The following LAMA2 variants were observed in gnomAD, a reference collection of about 807,000 sequenced individuals.
LAMA2 encodes laminin subunit alpha 2.
LAMA2 carries 269 observed loss-of-function variants against 364.8 expected under a neutral mutation model. The ratio of observed to expected loss-of-function variants is 0.74; its 90% CI spans 0.67 to 0.82. The LOEUF is 0.82. Ranked by LOEUF, LAMA2 falls within the 40% of genes least tolerant of loss-of-function variation. LAMA2 has a pLI of 0.00. For missense variants in LAMA2, 3,807 were observed against 3,873.2 expected (o/e 0.98, Z 0.45); for synonymous variants, 1,379 against 1,370.6 (o/e 1.01, Z -0.14).
intron 1 of LAMA2, among the ~76,000 whole-genome samples, chr6:128,907,949 G>A (rs199909576): frequency 7.2e-5 from 11 of 152,124 alleles, no homozygotes; most frequent in African/African-American, 1.2e-4. Context: ...ACTGATTTGC[G>A]TATATTGAAC....
rs1049341023 is a variant in LAMA2, at chr6:129,492,557, T to C, written c.8244+74T>C. 274 of 1,336,268 alleles carry C rather than the reference T, an allele frequency of 2.1e-4. 1 individual carries two copies. The highest frequency in any genetic ancestry group is 3.6e-5 in the Non-Finnish European group (33 of 927,736). The allele number at this position is 1,336,268 out of a possible 1,614,324, so 82.8% of individuals were successfully genotyped here. ...CTGAGTCATTTCAGAAGGAAGATTA[T>C]TCAGGATATCTAGTACACTCTGATA... On this transcript the variant is annotated intron_variant, in intron 58 of 64. Coordinates refer to ENST00000421865, the MANE Select transcript of LAMA2 (RefSeq NM_000426.4).
At chr6:129,350,808 G>A (rs1262096280) in intron 31 of LAMA2, among the ~76,000 whole-genome samples, 1 of 152,134 alleles carries the variant, frequency 6.6e-6, no homozygotes, top group Non-Finnish European at 1.5e-5. Context: ...TTAGGGTTAA[G>A]CTTTATAAAT....
At chr6:129,284,809 C>G (rs1460411473) in intron 18 of LAMA2, among the ~76,000 whole-genome samples, 1 of 152,022 alleles carries the variant, frequency 6.6e-6, no homozygotes, top group Non-Finnish European at 1.5e-5. Context: ...TTATCAATAG[C>G]AGCAAGTGTA....
chr6:128,883,410 T>A (rs1775929725), intron 1 of LAMA2, 53 bp downstream of exon 1: 1 of 1,547,872 alleles, frequency 6.5e-7, no homozygotes, highest in Non-Finnish European at 8.7e-7. Context: ...CCGAGATTCC[T>A]CACTTCTTCC....
intron 1 of LAMA2, among the ~76,000 whole-genome samples, chr6:128,917,793 G>A (rs1582672981): frequency 7.4e-6 from 1 of 135,456 alleles, no homozygotes; most frequent in African/African-American, 2.8e-5. Flanking sequence ...AAGTGCAGTG[G>A]CAGGATCATG....
intron 1 of LAMA2, among the ~76,000 whole-genome samples, chr6:128,973,867 G>C (rs375111588): frequency 6.6e-6 from 1 of 152,154 alleles, no homozygotes; most frequent in Non-Finnish European, 1.5e-5. Context: ...AGCTACCATG[G>C]GAGTGGATGG....
At position 129,403,130 on chromosome 6, in the gene LAMA2, C is replaced by G. The variant is rs370079119; in HGVS notation, c.5726+643C>G. ...GGATTGTCGTAATTTAATAGCGGTG[C>G]TATTAGCCCCAAGAATAATTTGCCC... On this transcript the variant is annotated intron_variant, in intron 39 of 64. Transcript: ENST00000421865. Among the ~76,000 whole-genome samples the G allele has an allele frequency of 3.3e-5, 5 of 152,296 alleles. No individual in the cohort carries two copies. The East Asian group carries it at 7.7e-4, about 23-fold the overall frequency.
At chr6:129,325,634 C>T (rs1318450289) in intron 28 of LAMA2, among the ~76,000 whole-genome samples, 1 of 151,832 alleles carries the variant, frequency 6.6e-6, no homozygotes, top group Non-Finnish European at 1.5e-5. Context: ...TTTAATCCAT[C>T]AGGATACGAA....
chr6:128,961,369 T>TATATATA (rs1562873217), intron 1 of LAMA2, among the ~76,000 whole-genome samples: 13 of 69,124 alleles, frequency 1.9e-4, no homozygotes, highest in African/African-American at 6.6e-4. Flanking sequence ...ATATATATAT[T>TATATATA]AGTTTATTAA....
At chr6:129,418,354 CT>C (rs1319679953) in intron 40 of LAMA2, among the ~76,000 whole-genome samples, 2 of 151,764 alleles carry the variant, frequency 1.3e-5, no homozygotes, top group Non-Finnish European at 2.9e-5. Flanking sequence ...CTAGATATGC[CT>C]GGTGGACAAC....
intron 1 of LAMA2, among the ~76,000 whole-genome samples, chr6:128,902,771 G>A (rs796105759): frequency 2.0e-4 from 30 of 152,226 alleles, no homozygotes; most frequent in African/African-American, 6.7e-4. Context: ...TGATCCTCCT[G>A]CCTCAGTCTC....
At chr6:129,257,721 C>T (rs960083999) in intron 14 of LAMA2, among the ~76,000 whole-genome samples, 2 of 152,088 alleles carry the variant, frequency 1.3e-5, no homozygotes, top group African/African-American at 4.8e-5. Flanking sequence ...TATCAAGTGA[C>T]AGTCCATTAA....
At chr6:128,884,672 G>T (rs751416106) in intron 1 of LAMA2, among the ~76,000 whole-genome samples, 3 of 151,942 alleles carry the variant, frequency 2.0e-5, no homozygotes, top group Non-Finnish European at 4.4e-5. Flanking sequence ...GGTAAAATGG[G>T]GCCAATATGA....
At chr6:129,322,539 T>C (rs1480455848) in intron 28 of LAMA2, among the ~76,000 whole-genome samples, 2 of 152,204 alleles carry the variant, frequency 1.3e-5, no homozygotes, top group African/African-American at 4.8e-5. Context: ...CTGTAGACCT[T>C]CGTTATTATA....
At chr6:129,321,545 G>A (rs181671574) in intron 28 of LAMA2, among the ~76,000 whole-genome samples, 1 of 152,284 alleles carries the variant, frequency 6.6e-6, no homozygotes, top group East Asian at 1.9e-4. Flanking sequence ...GCTGGCTGGT[G>A]CTCACAGCAT....
chr6:129,266,507 A>G (rs1435531097), intron 15 of LAMA2, among the ~76,000 whole-genome samples: 5 of 152,188 alleles, frequency 3.3e-5, no homozygotes, highest in Non-Finnish European at 7.4e-5. Flanking sequence ...GAGAAAGCAT[A>G]ATAGGATGGA....
At chr6:129,301,017 A>G in intron 22 of LAMA2, 145 bp downstream of exon 22, 1 of 745,382 alleles carries the variant, frequency 1.3e-6, no homozygotes, top group Non-Finnish European at 2.3e-6. Context: ...ATATTAATCA[A>G]TATCTTACAG....
chr6:129,423,674 G>A (rs994127312), intron 40 of LAMA2, among the ~76,000 whole-genome samples: 6 of 152,034 alleles, frequency 3.9e-5, no homozygotes, highest in African/African-American at 1.5e-4. Context: ...GGATACGTTG[G>A]AAGTTGAAAT....
In LAMA2 at chr6:129,147,001, A is replaced by G; in HGVS notation, c.862A>G (p.Ile288Val). 1 of 1,612,306 alleles carries G rather than the reference A, an allele frequency of 6.2e-7. No homozygotes were observed. Among genetic ancestry groups the G allele is most frequent in the Non-Finnish European group, 8.5e-7 (1 of 1,178,512 alleles). ...GGATATTTCAGTTGGAGGGATGTGC[A>G]TCTGCTATGGTCATGCCAGGGCTTG... is the stretch of plus-strand genomic sequence containing the variant. The part of the protein sequence containing the change: ...VKDISVGGMC[I>V]CYGHARACPL... The change falls in exon 6 of 65, where the codon ATC becomes GTC. Residue 288 changes from isoleucine to valine, a missense_variant. This residue lies in a region of LAMA2 where 394 missense variants were observed against 403.5 expected (regional missense o/e 0.98). Coordinates refer to ENST00000421865, the MANE Select transcript of LAMA2 (RefSeq NM_000426.4).
Sources: allele counts gnomAD v4.1 joint callset (sites outside exome capture counted in the v4.1 genomes callset), GRCh38; gene constraint gnomAD v4.1.1; regional missense constraint gnomAD v4.1.1; transcripts MANE v1.5; gene names NCBI Gene and HGNC (gene_info 2026-07-23, HGNC 2026-07-21).